Variants in TENM4 observed in about 807,000 individuals in gnomAD.
The protein encoded by TENM4 is teneurin transmembrane protein 4.
In TENM4, 82 loss-of-function variants were observed where a neutral mutation model predicts 243.3. The ratio of observed to expected loss-of-function variants is 0.34; its 90% CI spans 0.28 to 0.40. The LOEUF is 0.40. Ranked by LOEUF, TENM4 falls within the 10% of genes least tolerant of loss-of-function variation. TENM4 has a pLI of 1.00. For synonymous variants in TENM4, 1,412 were observed against 1,456.3 expected (o/e 0.97, Z 0.69); for missense variants, 3,138 against 3,673.3 (o/e 0.85, Z 3.77).
At position 79,143,913 on chromosome 11, in the gene TENM4, C is replaced by G. The variant is rs527556625; in HGVS notation, c.-66+4797G>C. Among the ~76,000 whole-genome samples, 14 of 151,860 alleles carry G rather than the reference C, an allele frequency of 9.2e-5. No homozygotes were observed. In the East Asian group the frequency reaches 1.9e-3, roughly 21 times the overall value. The stretch of plus-strand genomic sequence containing the variant: ...GCAAAGATTTTCCAAGTAAAACTCA[C>G]AAGCACAGACAACCAAAGGAAAAAT... On this transcript the variant is annotated intron_variant, in intron 4 of 33. Transcript: ENST00000278550.
intron 17 of TENM4, 108 bp downstream of exon 17, chr11:78,778,494 C>T: frequency 2.5e-6 from 3 of 1,218,954 alleles, no homozygotes; most frequent in Non-Finnish European, 3.5e-6. Flanking sequence ...TTCCAGACAT[C>T]ATGCTTATGT....
At chr11:79,102,993 T>C (rs7941097) in intron 4 of TENM4, among the ~76,000 whole-genome samples, 16,126 of 152,224 alleles carry the variant, frequency 0.11, 1,457 homozygotes, top group African/African-American at 0.25. Context: ...TTTCCAAGTC[T>C]CTAGTCCCTT....
chr11:78,826,315 G>A, intron 12 of TENM4, among the ~76,000 whole-genome samples: 1 of 152,008 alleles, frequency 6.6e-6, no homozygotes, highest in East Asian at 1.9e-4. Flanking sequence ...TTGAACTCCT[G>A]ACCTTAGGTG....
chr11:78,857,260 G>A (rs575093220), intron 10 of TENM4, among the ~76,000 whole-genome samples: 32 of 152,232 alleles, frequency 2.1e-4, no homozygotes, highest in African/African-American at 6.3e-4. Context: ...GGTTCCAAGC[G>A]GTTTTTTTGT....
intron 6 of TENM4, chr11:78,903,959 A>G (rs569668982): frequency 6.3e-5 from 26 of 414,476 alleles, no homozygotes; most frequent in Admixed American, 3.6e-4. Flanking sequence ...GATAGGGCCC[A>G]GGAAACTGAT....
chr11:79,381,651 G>A (rs1858006472), intron 1 of TENM4, among the ~76,000 whole-genome samples: 1 of 151,008 alleles, frequency 6.6e-6, no homozygotes, highest in African/African-American at 2.4e-5. Context: ...AATTGGATGG[G>A]TTCAAGGAGT....
chr11:79,198,234 G>T (rs1863672810), intron 3 of TENM4, among the ~76,000 whole-genome samples: 1 of 152,230 alleles, frequency 6.6e-6, no homozygotes, highest in Non-Finnish European at 1.5e-5. Flanking sequence ...ACCACTGAGT[G>T]GGGAGGACTG....
intron 1 of TENM4, among the ~76,000 whole-genome samples, chr11:79,423,614 C>T (rs867324968): frequency 9.1e-5 from 12 of 132,362 alleles, no homozygotes; most frequent in East Asian, 2.3e-4. Flanking sequence ...GGTGGGGAAA[C>T]GGGTCATTCT....
intron 2 of TENM4, among the ~76,000 whole-genome samples, chr11:79,247,829 C>T (rs1235894320): frequency 6.6e-6 from 1 of 152,234 alleles, no homozygotes; most frequent in Non-Finnish European, 1.5e-5. Flanking sequence ...ATTTTCTGGA[C>T]TTCCAAAGCA....
intron 4 of TENM4, among the ~76,000 whole-genome samples, chr11:79,119,603 G>A (rs11237719): frequency 0.67 from 102,492 of 152,086 alleles, 36,421 homozygotes; most frequent in Non-Finnish European, 0.81. Flanking sequence ...GATTCCTAAC[G>A]CTCATTAAGC....
intron 4 of TENM4, among the ~76,000 whole-genome samples, chr11:79,080,023 C>T (rs1237813765): frequency 6.6e-6 from 1 of 152,130 alleles, no homozygotes; most frequent in African/African-American, 2.4e-5. Flanking sequence ...AGCTTCCTTC[C>T]ACAGGCCTCA....
chr11:78,688,900 T>C (rs901194998), intron 28 of TENM4, among the ~76,000 whole-genome samples: 1 of 152,212 alleles, frequency 6.6e-6, no homozygotes, highest in Non-Finnish European at 1.5e-5. Flanking sequence ...TTCTAAAGCA[T>C]CATAATTGAA....
chr11:79,145,388 C>T (rs1226783995), intron 4 of TENM4, among the ~76,000 whole-genome samples: 3 of 152,082 alleles, frequency 2.0e-5, no homozygotes, highest in African/African-American at 7.2e-5. Context: ...TGCACTCCTT[C>T]CCATTTACCA....
At chr11:79,381,318 G>A (rs1396215156) in intron 1 of TENM4, among the ~76,000 whole-genome samples, 1 of 139,020 alleles carries the variant, frequency 7.2e-6, no homozygotes, top group Non-Finnish European at 1.6e-5. Context: ...ATGTCCCACA[G>A]CTCAAATGGC....
chr11:78,749,648 T>G (rs1856135915), intron 19 of TENM4, among the ~76,000 whole-genome samples: 1 of 152,216 alleles, frequency 6.6e-6, no homozygotes. Context: ...AAAATCACAT[T>G]GCATACATGG....
chr11:79,166,212 G>A, intron 3 of TENM4, among the ~76,000 whole-genome samples: 1 of 152,190 alleles, frequency 6.6e-6, no homozygotes, highest in East Asian at 1.9e-4. Context: ...TTGACTTGAT[G>A]TAAGTCAAGA....
chr11:79,206,080 G>A (rs546724135), intron 3 of TENM4, among the ~76,000 whole-genome samples: 2 of 152,340 alleles, frequency 1.3e-5, no homozygotes, highest in East Asian at 1.9e-4. Context: ...TTAGCCTCTG[G>A]GCAAGTGCTT....
At chr11:79,028,615 G>T (rs1362399472) in intron 6 of TENM4, among the ~76,000 whole-genome samples, 1 of 152,202 alleles carries the variant, frequency 6.6e-6, no homozygotes, top group Non-Finnish European at 1.5e-5. Flanking sequence ...CTCCAGGGAT[G>T]GGTCTTAACC....
At chr11:78,674,389 T>G (rs1425816486) in intron 30 of TENM4, among the ~76,000 whole-genome samples, 1 of 152,136 alleles carries the variant, frequency 6.6e-6, no homozygotes, top group African/African-American at 2.4e-5. Context: ...CAATCTCAGG[T>G]TGGGAGAGGG....
Sources: allele counts gnomAD v4.1 joint callset (sites outside exome capture counted in the v4.1 genomes callset), GRCh38; gene constraint gnomAD v4.1.1; transcripts MANE v1.5; gene names NCBI Gene and HGNC (gene_info 2026-07-23, HGNC 2026-07-21).